FHIT: variants seen among roughly 807,000 people sequenced by gnomAD.
FHIT encodes the protein bis(5'-adenosyl)-triphosphatase.
In FHIT, 19 loss-of-function variants were observed where a neutral mutation model predicts 17.9. That is an observed-to-expected ratio of 1.06 (90% CI 0.74 to 1.56). The LOEUF (loss-of-function observed/expected upper bound fraction) is 1.56. FHIT is among the 40% of genes most tolerant of loss of function. The pLI is 0.00. For missense variants in FHIT, 248 were observed against 189.2 expected, an observed-to-expected ratio of 1.31 and a Z score of -1.82; for synonymous variants, 81 against 69.7, an observed-to-expected ratio of 1.16 and a Z score of -0.81.
intron 8 of FHIT, among the ~76,000 whole-genome samples, chr3:59,873,456 C>A (rs1044039501): frequency 6.6e-6 from 1 of 152,168 alleles, no homozygotes; most frequent in African/African-American, 2.4e-5. Context: ...TGGTTCATTC[C>A]AGCATTCAAG....
intron 1 of FHIT, among the ~76,000 whole-genome samples, chr3:61,219,410 A>C (rs1193413326): frequency 6.6e-6 from 1 of 151,886 alleles, no homozygotes. Flanking sequence ...TCAGAACCCA[A>C]AAGTTCTTGT....
intron 5 of FHIT, among the ~76,000 whole-genome samples, chr3:60,333,238 T>C (rs542257593): frequency 6.6e-6 from 1 of 152,360 alleles, no homozygotes; most frequent in East Asian, 1.9e-4. Context: ...TACATAATGC[T>C]AAATGTGATT....
At chr3:60,011,527 G>T in intron 6 of FHIT, 127 bp from the exon 7 acceptor site, 2 of 813,318 alleles carry the variant, frequency 2.5e-6, no homozygotes, top group Non-Finnish European at 4.1e-6. Context: ...ATTCTCATGG[G>T]GACCATTGGC....
intron 8 of FHIT, among the ~76,000 whole-genome samples, chr3:59,843,460 C>T (rs1157928335): frequency 6.6e-6 from 1 of 151,984 alleles, no homozygotes; most frequent in African/African-American, 2.4e-5. Flanking sequence ...AAAAAAGCAT[C>T]GTTGGAATTG....
chr3:60,320,976 C>T (rs1466160118), intron 5 of FHIT, among the ~76,000 whole-genome samples: 2 of 152,120 alleles, frequency 1.3e-5, no homozygotes, highest in African/African-American at 4.8e-5. Context: ...ACATGGCCAT[C>T]ATAATGGCAG....
intron 5 of FHIT, among the ~76,000 whole-genome samples, chr3:60,439,576 T>C (rs139794440): frequency 6.6e-6 from 1 of 150,434 alleles, no homozygotes; most frequent in South Asian, 2.1e-4. Flanking sequence ...AGTCAGTGAT[T>C]CCTGGTCTCA....
chr3:60,297,614 G>A (rs1708271912), intron 5 of FHIT, among the ~76,000 whole-genome samples: 1 of 151,930 alleles, frequency 6.6e-6, no homozygotes, highest in Admixed American at 6.6e-5. Context: ...TTTCTAATCT[G>A]TATGTCTTTT....
intron 1 of FHIT, among the ~76,000 whole-genome samples, chr3:61,234,363 T>C (rs145501806): frequency 9.8e-5 from 15 of 152,328 alleles, no homozygotes; most frequent in African/African-American, 3.6e-4. Context: ...AAAACCTATA[T>C]GTTGACCAAG....
At chr3:60,288,609 G>A (rs1707840512) in intron 5 of FHIT, among the ~76,000 whole-genome samples, 1 of 151,344 alleles carries the variant, frequency 6.6e-6, no homozygotes, top group Non-Finnish European at 1.5e-5. Context: ...GTGTGTGGAG[G>A]GGGGTGTGGG....
At chr3:60,669,468 C>T (rs1425386874) in intron 4 of FHIT, among the ~76,000 whole-genome samples, 4 of 152,148 alleles carry the variant, frequency 2.6e-5, no homozygotes, top group African/African-American at 4.8e-5. Context: ...AGCCATTACC[C>T]GCTTCTAGCT....
At chr3:59,776,077 C>T (rs942811114) in intron 8 of FHIT, among the ~76,000 whole-genome samples, 1 of 152,230 alleles carries the variant, frequency 6.6e-6, no homozygotes, top group African/African-American at 2.4e-5. Flanking sequence ...CAGCTCCTTA[C>T]ATGTGTCCAC....
At chr3:60,064,557 A>T (rs1448533184) in intron 5 of FHIT, among the ~76,000 whole-genome samples, 1 of 152,210 alleles carries the variant, frequency 6.6e-6, no homozygotes, top group Non-Finnish European at 1.5e-5. Flanking sequence ...GGACAGACAG[A>T]ACCTACCTAC....
intron 5 of FHIT, among the ~76,000 whole-genome samples, chr3:60,023,070 A>C (rs1442086753): frequency 6.6e-6 from 1 of 152,236 alleles, no homozygotes; most frequent in Non-Finnish European, 1.5e-5. Flanking sequence ...GAAAATGAGC[A>C]TGTTGTAAAA....
chr3:60,395,152 G>A (rs1559880037), intron 5 of FHIT, among the ~76,000 whole-genome samples: 1 of 152,206 alleles, frequency 6.6e-6, no homozygotes, highest in African/African-American at 2.4e-5. Context: ...GGTCAGGCTA[G>A]ATGCAGATTT....
At chr3:60,603,011 G>A (rs1011644949) in intron 4 of FHIT, among the ~76,000 whole-genome samples, 2 of 152,136 alleles carry the variant, frequency 1.3e-5, no homozygotes, top group African/African-American at 2.4e-5. Context: ...CCAGTTTATG[G>A]TATTTTGCTA....
chr3:60,596,019 C>G (rs544694292), intron 4 of FHIT: 2 of 168,636 alleles, frequency 1.2e-5, no homozygotes, highest in African/African-American at 4.8e-5. Context: ...TCTTCTAGGG[C>G]TCAGAAAAAC....
intron 2 of FHIT, among the ~76,000 whole-genome samples, chr3:61,089,488 G>A (rs2035410683): frequency 6.6e-6 from 1 of 152,042 alleles, no homozygotes; most frequent in Admixed American, 6.6e-5. Context: ...CTTCTAATAG[G>A]TGACCTTTTT....
chr3:60,852,494 A>C (rs1381803582), intron 3 of FHIT, among the ~76,000 whole-genome samples: 1 of 152,118 alleles, frequency 6.6e-6, no homozygotes, highest in Non-Finnish European at 1.5e-5. Flanking sequence ...CCCAAACCCA[A>C]ATCCAAAGAT....
chr3:60,379,923 T>G (rs1179202857), intron 5 of FHIT, among the ~76,000 whole-genome samples: 1 of 152,184 alleles, frequency 6.6e-6, no homozygotes, highest in Non-Finnish European at 1.5e-5. Context: ...GTGTTTCAAT[T>G]TACAATTTTG....
Sources: allele counts gnomAD v4.1 joint callset (sites outside exome capture counted in the v4.1 genomes callset), GRCh38; gene constraint gnomAD v4.1.1; transcripts MANE v1.5; gene names NCBI Gene and HGNC (gene_info 2026-07-23, HGNC 2026-07-21).